ABCC4: variants seen among roughly 807,000 people sequenced by gnomAD.
ABCC4 encodes ATP-binding cassette sub-family C member 4.
ABCC4 carries 102 observed loss-of-function variants against 168.5 expected under a neutral mutation model. The ratio of observed to expected loss-of-function variants is 0.61; its 90% CI spans 0.52 to 0.71. ABCC4 has a LOEUF of 0.71. Ranked by LOEUF, ABCC4 falls within the 30% of genes least tolerant of loss-of-function variation. The pLI, the probability that ABCC4 is intolerant of heterozygous loss-of-function variation, is 0.00. For synonymous variants in ABCC4, 617 were observed against 590.7 expected (o/e 1.04, Z -0.65); for missense variants, 1,402 against 1,605.8 (o/e 0.87, Z 2.17).
At chr13:95,243,204 T>G (rs1211792147) in intron 3 of ABCC4, among the ~76,000 whole-genome samples, 1 of 152,182 alleles carries the variant, frequency 6.6e-6, no homozygotes, top group Non-Finnish European at 1.5e-5. Context: ...CCCTAATACC[T>G]GGGGCCCACC....
chr13:95,206,612 C>T lies in ABCC4; in HGVS notation c.1081G>A (p.Val361Met), dbSNP rs544017011. The part of the protein sequence containing the change: ...VFVAVTLYGA[V>M]RLTVTLFFPS... ...AAGAAGAGGGTAACCGTCAGCCGCA[C>T]AGCCCCATACAGCGTCACTGCCACG... The change falls in exon 8 of 31, where the codon GTG becomes ATG. Residue 361 changes from valine to methionine, a missense_variant. Val to Met is a conservative substitution (Grantham distance 21). Transcript: ENST00000645237. 3 of 1,614,172 alleles carry T rather than the reference C, an allele frequency of 1.9e-6. No individual in the cohort carries two copies. Among genetic ancestry groups the T allele is most frequent in the South Asian group, 2.2e-5 (2 of 91,086 alleles).
chr13:95,186,670 G>C, intron 11 of ABCC4, 31 bp downstream of exon 11: 1 of 1,591,462 alleles, frequency 6.3e-7, no homozygotes, highest in South Asian at 1.1e-5. Flanking sequence ...CTGGACATTC[G>C]AGTACATGAA....
chr13:95,140,586 A>G lies in ABCC4; in HGVS notation c.2455+20603T>C, dbSNP rs545197164. 2.5e-4 allele frequency among the ~76,000 whole-genome samples: 38 copies of G among 152,352 alleles called. No individual in the cohort carries two copies. In the South Asian group the frequency reaches 7.9e-3, roughly 32 times the overall value. ...TTCTGTATAAGGAGAAAAGAGTTTC[A>G]AATCTATAAGGAAATCATTTAGTTG... On this transcript the variant is annotated intron_variant, in intron 19 of 30. Coordinates refer to ENST00000645237, the MANE Select transcript of ABCC4 (RefSeq NM_005845.5).
chr13:95,268,296 C>T (rs562242625), intron 1 of ABCC4, among the ~76,000 whole-genome samples: 40 of 152,116 alleles, frequency 2.6e-4, no homozygotes, highest in Non-Finnish European at 1.3e-4. Context: ...TCTCAAGTAC[C>T]CAGGGACACA....
intron 26 of ABCC4, among the ~76,000 whole-genome samples, chr13:95,057,093 G>C (rs907075730): frequency 2.0e-5 from 3 of 152,190 alleles, no homozygotes; most frequent in Admixed American, 2.0e-4. Flanking sequence ...TCCTTGGGAA[G>C]TGCACTTAAC....
intron 1 of ABCC4, among the ~76,000 whole-genome samples, chr13:95,259,629 G>A (rs958874996): frequency 9.2e-5 from 14 of 152,122 alleles, no homozygotes; most frequent in Admixed American, 2.0e-4. Context: ...CAGAACCACC[G>A]CACTAAAGTT....
chr13:95,133,910 A>G (rs2036058228), intron 19 of ABCC4, among the ~76,000 whole-genome samples: 1 of 152,194 alleles, frequency 6.6e-6, no homozygotes, highest in African/African-American at 2.4e-5. Flanking sequence ...ATTTTACACA[A>G]TCAATATTCT....
intron 8 of ABCC4, among the ~76,000 whole-genome samples, chr13:95,198,658 C>T (rs1276591176): frequency 1.3e-5 from 2 of 152,140 alleles, no homozygotes; most frequent in Middle Eastern, 3.2e-3. Context: ...CACATGCACA[C>T]GTATGTTTAC....
At chr13:95,226,152 CTGGAATTA>C (rs368200442) in intron 4 of ABCC4, among the ~76,000 whole-genome samples, 115,044 of 150,348 alleles carry the variant, frequency 0.77, 44,511 homozygotes, top group Non-Finnish European at 0.84. Context: ...ATTACTTCAT[CTGGAATTA>C]CTTCATCTGG....
chr13:95,184,684 G>C (rs1017569824), intron 11 of ABCC4, among the ~76,000 whole-genome samples: 18 of 152,172 alleles, frequency 1.2e-4, no homozygotes, highest in Admixed American at 1.3e-4. Context: ...CCCTGTGTTG[G>C]TCCCAAGGAC....
rs1164680968 is a variant in ABCC4, at chr13:95,210,822, T to C, written c.532-41A>G. 2.7e-6 allele frequency: 4 copies of C among 1,484,340 alleles called. No homozygotes were observed. In the East Asian group the frequency reaches 9.1e-5, roughly 34 times the overall value. 91.9% of individuals were successfully genotyped at this position (1,484,340 alleles called of 1,614,324 possible). ...TAAGTAGAGAATTGTATTCATGCAG[T>C]GATACTAAGTCAGGCTTAGGACACA... On this transcript the variant is annotated intron_variant, in intron 4 of 30. Coordinates refer to ENST00000645237, the MANE Select transcript of ABCC4 (RefSeq NM_005845.5).
Position 95,062,753 on chromosome 13 carries a change from G to A in ABCC4, c.3317C>T (p.Thr1106Ile). The A allele has an allele frequency of 1.2e-6, 2 of 1,613,916 alleles. No individual in the cohort carries two copies. Among genetic ancestry groups the A allele is most frequent in the Non-Finnish European group, 1.7e-6 (2 of 1,179,962 alleles). ...GKIWIDKILTTEIGLHDLRKK... is the reference protein window; with the variant it reads ...GKIWIDKILTIEIGLHDLRKK... ...CCTTAAATCGTGAAGTCCAATTTCA[G>A]TTGTCAAGATCTTATCAATCCAAAT... The change falls in exon 26 of 31, where the codon ACT becomes ATT. Residue 1106 changes from threonine to isoleucine, a missense_variant. Physicochemically the swap from Thr to Ile is moderately conservative, Grantham distance 89 (BLOSUM62 -1). Coordinates refer to ENST00000645237, the MANE Select transcript of ABCC4 (RefSeq NM_005845.5).
At chr13:95,296,181 C>CAA (rs1354544000) in intron 1 of ABCC4, among the ~76,000 whole-genome samples, 1 of 35,970 alleles carries the variant, frequency 2.8e-5, no homozygotes, top group African/African-American at 1.3e-4. Flanking sequence ...CACACACACA[C>CAA]ACAAAAACAC....
At chr13:95,246,272 A>G (rs1310676601) in intron 3 of ABCC4, among the ~76,000 whole-genome samples, 1 of 152,226 alleles carries the variant, frequency 6.6e-6, no homozygotes, top group Non-Finnish European at 1.5e-5. Flanking sequence ...AACAAGGAAG[A>G]CACACCGGAT....
At chr13:95,256,839 C>T (rs532837889) in intron 1 of ABCC4, among the ~76,000 whole-genome samples, 15 of 152,050 alleles carry the variant, frequency 9.9e-5, no homozygotes, top group African/African-American at 1.4e-4. Context: ...TTCTTCCAAA[C>T]GATTAAACTT....
intron 1 of ABCC4, among the ~76,000 whole-genome samples, chr13:95,253,722 C>T (rs576838228): frequency 2.8e-4 from 43 of 151,514 alleles, no homozygotes; most frequent in Non-Finnish European, 4.7e-4. Flanking sequence ...CCAGCCTGGG[C>T]GACAGAGCGA....
intron 8 of ABCC4, among the ~76,000 whole-genome samples, chr13:95,202,988 G>A (rs1163285464): frequency 6.6e-6 from 1 of 152,124 alleles, no homozygotes; most frequent in Non-Finnish European, 1.5e-5. Flanking sequence ...GACGGCCTGG[G>A]CTAAAGCCCC....
intron 3 of ABCC4, among the ~76,000 whole-genome samples, chr13:95,242,701 G>A (rs895177036): frequency 3.9e-5 from 6 of 152,136 alleles, no homozygotes; most frequent in Admixed American, 3.9e-4. Context: ...TAGCTTTAAT[G>A]ATTGAAAACC....
intron 6 of ABCC4, among the ~76,000 whole-genome samples, chr13:95,208,184 C>A (rs2038836449): frequency 6.6e-6 from 1 of 152,066 alleles, no homozygotes. Flanking sequence ...TGTCATCTGT[C>A]CCCTCGAGGA....
Sources: allele counts gnomAD v4.1 joint callset (sites outside exome capture counted in the v4.1 genomes callset), GRCh38; gene constraint gnomAD v4.1.1; transcripts MANE v1.5; gene names NCBI Gene and HGNC (gene_info 2026-07-23, HGNC 2026-07-21).